Variants in PPM1L observed in about 807,000 individuals in gnomAD.
PPM1L encodes protein phosphatase, Mg2+/Mn2+ dependent 1L, also known as protein phosphatase 1L.
A neutral mutation model predicts 31.4 loss-of-function variants in PPM1L; 13 were observed. The observed-to-expected ratio is 0.41, with a 90% CI of 0.27 to 0.66. The LOEUF is 0.66. Among genes scored for constraint, PPM1L ranks in the 30% least tolerant of loss-of-function variants. The pLI is 0.29. For synonymous variants in PPM1L, 184 were observed against 175.4 expected (o/e 1.05, Z -0.39); for missense variants, 326 against 453.7 (o/e 0.72, Z 2.56).
rs1714993414 is a variant in PPM1L at position 160,762,455 on chromosome 3, T to A, written c.399+5748T>A. ...AATTAAGCCAACATTTTCTGTATAG[T>A]TTGGCACCTGTGAAAAGCAGTGTTA... On this transcript the variant is annotated intron_variant, in intron 1 of 3. Transcript: ENST00000498165. Among the ~76,000 whole-genome samples, 3 of 152,318 alleles carry A rather than the reference T, an allele frequency of 2.0e-5. No individual in the cohort carries two copies. The South Asian group carries it at 6.2e-4, about 32-fold the overall frequency.
chr3:160,887,301 G>A (rs1392619831), intron 1 of PPM1L, among the ~76,000 whole-genome samples: 2 of 152,026 alleles, frequency 1.3e-5, no homozygotes, highest in Admixed American at 6.5e-5. Context: ...GATACATCCA[G>A]GAGAACTTCC....
At chr3:160,888,495 T>C (rs1713013661) in intron 1 of PPM1L, among the ~76,000 whole-genome samples, 1 of 152,186 alleles carries the variant, frequency 6.6e-6, no homozygotes, top group Non-Finnish European at 1.5e-5. Context: ...CCAAATCATA[T>C]ATGCACCCAA....
At chr3:160,988,584 A>G (rs2108041447) in intron 2 of PPM1L, among the ~76,000 whole-genome samples, 1 of 152,306 alleles carries the variant, frequency 6.6e-6, no homozygotes, top group East Asian at 1.9e-4. Context: ...ATATGGTTTC[A>G]ATTTTGGTGT....
intron 1 of PPM1L, among the ~76,000 whole-genome samples, chr3:160,789,790 T>A (rs1476161154): frequency 6.6e-6 from 1 of 152,056 alleles, no homozygotes; most frequent in East Asian, 1.9e-4. Flanking sequence ...ATCTTTATTC[T>A]ACTAGTATGA....
intron 1 of PPM1L, among the ~76,000 whole-genome samples, chr3:160,871,734 T>G (rs1712313058): frequency 6.6e-6 from 1 of 152,108 alleles, no homozygotes; most frequent in Non-Finnish European, 1.5e-5. Context: ...CTTGTTTCCC[T>G]CTGTTTTTTC....
intron 1 of PPM1L, among the ~76,000 whole-genome samples, chr3:160,769,416 AG>A (rs1385528579): frequency 3.3e-5 from 5 of 152,154 alleles, no homozygotes; most frequent in African/African-American, 1.2e-4. Flanking sequence ...GGATTGTCTT[AG>A]GGATGGTTTT....
At chr3:160,840,719 GGAGAGAGAGA>G (rs137953325) in intron 1 of PPM1L, among the ~76,000 whole-genome samples, 11 of 144,002 alleles carry the variant, frequency 7.6e-5, no homozygotes, top group Non-Finnish European at 1.7e-4. Context: ...TATCTCCAGG[GGAGAGAGAGA>G]GAGAGAGAGA....
rs903724805 is a variant in PPM1L at position 161,073,874 on chromosome 3, A to G, written c.*4717A>G. 3.9e-5 allele frequency: 6 copies of G among 152,150 alleles called. No individual in the cohort carries two copies. Among genetic ancestry groups the G allele is most frequent in the Admixed American group, 2.6e-4 (4 of 15,274 alleles). The allele number at this position is 152,150 out of a possible 1,614,324, so 9.4% of individuals were successfully genotyped here. A position where few individuals can be genotyped will look rare whatever the true frequency, so the allele number is the denominator to read the frequency against. On this transcript the variant is annotated 3_prime_UTR_variant, in exon 4 of 4. Coordinates refer to ENST00000498165, the MANE Select transcript of PPM1L (RefSeq NM_139245.4). The stretch of plus-strand genomic sequence containing the variant: ...CTGCACCCGGCCATCCCTTTCTTTT[A>G]TATGAATAATGAGCAAGAGCCCTGC...
At chr3:161,001,928 C>G (rs778658) in intron 2 of PPM1L, among the ~76,000 whole-genome samples, 33,120 of 151,404 alleles carry the variant, frequency 0.22, 3,937 homozygotes, top group South Asian at 0.29. Flanking sequence ...TGCTGGTGCG[C>G]TGCACCCACT....
At position 160,971,315 on chromosome 3, in the gene PPM1L, T is replaced by C. The variant is rs138423747; in HGVS notation, c.574+9405T>C. ...TGTCTGTTTATTTAACAGTTATTGG[T>C]TCATTCATTTATTCACTCTGTAAAC... is the stretch of plus-strand genomic sequence containing the variant. On this transcript the variant is annotated intron_variant, in intron 2 of 3. Coordinates refer to ENST00000498165, the MANE Select transcript of PPM1L (RefSeq NM_139245.4). Among the ~76,000 whole-genome samples, 504 of 152,344 alleles carry C rather than the reference T, an allele frequency of 3.3e-3. 3 individuals are homozygous for C. Among genetic ancestry groups the C allele is most frequent in the African/African-American group, 0.011 (473 of 41,576 alleles).
At chr3:160,866,753 C>G (rs958352069) in intron 1 of PPM1L, among the ~76,000 whole-genome samples, 1 of 152,190 alleles carries the variant, frequency 6.6e-6, no homozygotes, top group Non-Finnish European at 1.5e-5. Flanking sequence ...ATATTTTGAG[C>G]AATGAATATG....
rs184468391 is a variant in PPM1L, at chr3:160,880,658, C to T, written c.400-81078C>T. Among the ~76,000 whole-genome samples the T allele has an allele frequency of 3.0e-3, 453 of 151,774 alleles. 4 individuals carry two copies. The highest frequency in any genetic ancestry group is 5.8e-3 in the Admixed American group (88 of 15,232). On this transcript the variant is annotated intron_variant, in intron 1 of 3. Transcript: ENST00000498165. ...AAAAAAAAAAGTCAAGGAATCCTTA[C>T]TTAAATTTCTGTTTCTATCAAATAC...
At chr3:160,835,081 T>TCTTCTTCTTCTC (rs1713666105) in intron 1 of PPM1L, among the ~76,000 whole-genome samples, 2 of 150,036 alleles carry the variant, frequency 1.3e-5, no homozygotes, top group South Asian at 4.2e-4. Flanking sequence ...TTCTTCTTCT[T>TCTTCTTCTTCTC]CTTCTTTCTT....
Position 161,076,701 on chromosome 3 carries a change from AAAAG to A in PPM1L, c.*7546_*7549del, listed in dbSNP as rs1458153894. 5 of 152,190 alleles carry A rather than the reference AAAAG, an allele frequency of 3.3e-5. No individual in the cohort carries two copies. Among genetic ancestry groups the A allele is most frequent in the South Asian group, 2.1e-4 (1 of 4,824 alleles). The allele number at this position is 152,190 out of a possible 1,614,324, so 9.4% of individuals were successfully genotyped here. A position where few individuals can be genotyped will look rare whatever the true frequency, so the allele number is the denominator to read the frequency against. ...TTCTCATGGGCAGCCAGGAAAAAAAAAAAGAGAGAGAAAGACAAATAGAAATTTT... is the reference window on the plus strand; with the variant it reads ...TTCTCATGGGCAGCCAGGAAAAAAAAAGAGAGAAAGACAAATAGAAATTTT... On this transcript the variant is annotated 3_prime_UTR_variant, in exon 4 of 4. Coordinates refer to ENST00000498165, the MANE Select transcript of PPM1L (RefSeq NM_139245.4).
intron 2 of PPM1L, among the ~76,000 whole-genome samples, chr3:160,965,370 A>G (rs1344613722): frequency 6.6e-6 from 1 of 152,122 alleles, no homozygotes; most frequent in African/African-American, 2.4e-5. Context: ...ATGATGGTGC[A>G]AAAGTGATAC....
chr3:161,005,743 G>T (rs1235064115), intron 2 of PPM1L, among the ~76,000 whole-genome samples: 1 of 152,084 alleles, frequency 6.6e-6, no homozygotes, highest in Non-Finnish European at 1.5e-5. Flanking sequence ...TTCCACAAAG[G>T]TTAGCTATTA....
intron 1 of PPM1L, among the ~76,000 whole-genome samples, chr3:160,936,682 A>C (rs1714983534): frequency 6.6e-6 from 1 of 152,204 alleles, no homozygotes; most frequent in Non-Finnish European, 1.5e-5. Context: ...TATTTAAAAC[A>C]GTTGTGAGAT....
intron 1 of PPM1L, among the ~76,000 whole-genome samples, chr3:160,851,522 T>C (rs1022483647): frequency 1.3e-5 from 2 of 152,206 alleles, no homozygotes; most frequent in Admixed American, 1.3e-4. Flanking sequence ...ATTATTCCTT[T>C]TAGAAAGTTA....
chr3:161,021,202 G>A (rs562406937), intron 2 of PPM1L, among the ~76,000 whole-genome samples: 2 of 151,986 alleles, frequency 1.3e-5, no homozygotes, highest in South Asian at 2.1e-4. Context: ...CACTTTAGCT[G>A]TATCCCATAA....
Sources: gnomAD v4.1 joint callset for allele counts (sites outside exome capture counted in the v4.1 genomes callset) on GRCh38, gnomAD v4.1.1 for gene constraint, MANE v1.5 for transcripts, NCBI Gene and HGNC (gene_info 2026-07-23, HGNC 2026-07-21) for gene names.